Variants in MGST2 observed in about 807,000 individuals in gnomAD.
The protein encoded by MGST2 is glutathione peroxidase MGST2.
A neutral mutation model predicts 16.6 loss-of-function variants in MGST2; 9 were observed. That is an observed-to-expected ratio of 0.54 (90% CI 0.33 to 0.95). The LOEUF is 0.95. Among genes scored for constraint, MGST2 ranks in the 40% least tolerant of loss-of-function variants. The probability of loss-of-function intolerance (pLI) is 0.03; values close to 1 mark genes in which losing one functional copy is unlikely to be tolerated. For synonymous variants in MGST2, 79 were observed against 68.0 expected (o/e 1.16, Z -0.79); for missense variants, 159 against 175.1 (o/e 0.91, Z 0.52).
At chr4:139,672,131 G>A (rs577838802) in intron 1 of MGST2, among the ~76,000 whole-genome samples, 2 of 152,120 alleles carry the variant, frequency 1.3e-5, no homozygotes, top group Non-Finnish European at 2.9e-5. Flanking sequence ...CCTCACACTT[G>A]CTAGTGTCAC....
chr4:139,667,644 G>T (rs551692188), intron 1 of MGST2, among the ~76,000 whole-genome samples: 1 of 152,116 alleles, frequency 6.6e-6, no homozygotes, highest in Non-Finnish European at 1.5e-5. Context: ...TGGATCACGA[G>T]GTCAAGAGAT....
chr4:139,730,560 G>A (rs1298209644), intron 5 of MGST2: 1 of 1,592,196 alleles, frequency 6.3e-7, no homozygotes, highest in Non-Finnish European at 8.5e-7. Context: ...GGCTGCCCAG[G>A]AAGCCGGGGC....
chr4:139,729,926 C>A (rs750008667), intron 5 of MGST2, among the ~76,000 whole-genome samples: 34 of 152,194 alleles, frequency 2.2e-4, no homozygotes, highest in Non-Finnish European at 3.7e-4. Context: ...GTTCTGCAGG[C>A]CTTATTATTC....
intron 3 of MGST2, 65 bp downstream of exon 3, chr4:139,695,332 A>T: frequency 2.9e-6 from 4 of 1,358,678 alleles, no homozygotes; most frequent in African/African-American, 1.4e-5. Flanking sequence ...ATTAAGGAGT[A>T]GATATATGGC....
intron 2 of MGST2, among the ~76,000 whole-genome samples, chr4:139,689,682 A>G (rs542355910): frequency 6.6e-6 from 1 of 152,324 alleles, no homozygotes; most frequent in South Asian, 2.1e-4. Flanking sequence ...GCAAGAAGCA[A>G]ACTTCCTTTG....
chr4:139,733,504 CT>C (rs1042103917), intron 5 of MGST2, among the ~76,000 whole-genome samples: 1 of 149,202 alleles, frequency 6.7e-6, no homozygotes, highest in Non-Finnish European at 1.5e-5. Context: ...CATCAAACCA[CT>C]TTTTGCCCGT....
Position 139,691,703 on chromosome 4 carries a change from T to G in MGST2, c.159-3494T>G, listed in dbSNP as rs546352028. Among the ~76,000 whole-genome samples, 1,490 of 150,290 alleles carry G rather than the reference T, an allele frequency of 9.9e-3. 12 individuals carry two copies. Among genetic ancestry groups the G allele is most frequent in the African/African-American group, 0.016 (643 of 40,510 alleles). Reference sequence around the variant, plus strand: ...TGATGATGATGATGATGATGATTATTATTATTATTATTTGAGACGGAATCT... The same window carrying G: ...TGATGATGATGATGATGATGATTATGATTATTATTATTTGAGACGGAATCT... On this transcript the variant is annotated intron_variant, in intron 2 of 4. Transcript: ENST00000265498.
chr4:139,718,191 C>T (rs1001679848), intron 5 of MGST2: 1 of 152,152 alleles, frequency 6.6e-6, no homozygotes, highest in African/African-American at 2.4e-5. Flanking sequence ...CACAAAAAAC[C>T]GACTCCCAAA....
In MGST2 at chr4:139,715,992, C is replaced by T. The variant is rs1037988879; in HGVS notation, c.*48+11796C>T. ...ACACGCCTCTGACAAAACTCCTGGGCTCAAGTGATCCGCTTGCCTTGCCCT... is the reference window on the plus strand; with the variant it reads ...ACACGCCTCTGACAAAACTCCTGGGTTCAAGTGATCCGCTTGCCTTGCCCT... On this transcript the variant is annotated intron_variant, in intron 5 of 5. Transcript: ENST00000616265. The surrounding 1 kb of genome is among the most constrained non-coding windows in gnomAD (Gnocchi z 4.4). Among the ~76,000 whole-genome samples the T allele has an allele frequency of 6.6e-6, 1 of 152,154 alleles. No individual in the cohort carries two copies. The highest frequency in any genetic ancestry group is 6.5e-5 in the Admixed American group (1 of 15,284).
chr4:139,740,308 T>C (rs1401306933), exon 6 of MGST2: 3 of 152,218 alleles, frequency 2.0e-5, no homozygotes, highest in African/African-American at 7.2e-5. Flanking sequence ...ACAGACTGTC[T>C]TCTCCGTGGA....
intron 3 of MGST2, among the ~76,000 whole-genome samples, chr4:139,701,061 C>T (rs949870222): frequency 3.3e-5 from 5 of 152,242 alleles, no homozygotes; most frequent in African/African-American, 9.6e-5. Flanking sequence ...TGAATGAAAC[C>T]GCTGTTCCTT....
chr4:139,710,045 A>T (rs928959944), intron 5 of MGST2, among the ~76,000 whole-genome samples: 2 of 152,252 alleles, frequency 1.3e-5, no homozygotes, highest in South Asian at 4.1e-4. Context: ...TGGTTACCCA[A>T]AGAGGTAGCT....
intron 5 of MGST2, chr4:139,719,215 G>T: frequency 3.7e-6 from 5 of 1,351,074 alleles, no homozygotes; most frequent in Non-Finnish European, 4.9e-6. Flanking sequence ...GTTTTGCTCA[G>T]TTTACGTGGG....
At chr4:139,724,217 C>A (rs562842501) in intron 5 of MGST2, among the ~76,000 whole-genome samples, 23 of 152,224 alleles carry the variant, frequency 1.5e-4, no homozygotes, top group African/African-American at 5.3e-4. Context: ...CTACTCAAGA[C>A]CCAGTATTTT....
chr4:139,680,216 C>A (rs1312992823), intron 2 of MGST2, among the ~76,000 whole-genome samples: 1 of 145,890 alleles, frequency 6.9e-6, no homozygotes, highest in Non-Finnish European at 1.5e-5. Flanking sequence ...TAGGTTAAAT[C>A]AATAGCCAAT....
downstream of MGST2, among the ~76,000 whole-genome samples, chr4:139,707,907 G>GT (rs537925639): frequency 4.6e-5 from 7 of 151,246 alleles, no homozygotes; most frequent in Non-Finnish European, 8.9e-5. Flanking sequence ...GGGGTTGTTT[G>GT]TTTTTTTCTT....
At position 139,719,427 on chromosome 4, in the gene MGST2, A is replaced by G. The variant is rs967326510; in HGVS notation, c.*48+15231A>G. On this transcript the variant is annotated intron_variant, in intron 5 of 5. Transcript: ENST00000616265. ...TCTGCACCGTCCGGGAGGCCAGGGA[A>G]GGAACCCCCAGCTCCGTCGCCACTG... The G allele has an allele frequency of 3.1e-6, 5 of 1,614,012 alleles. No homozygotes were observed. The South Asian group carries it at 5.5e-5, about 18-fold the overall frequency.
At chr4:139,671,451 C>T (rs1435078563) in intron 1 of MGST2, among the ~76,000 whole-genome samples, 1 of 152,134 alleles carries the variant, frequency 6.6e-6, no homozygotes, top group African/African-American at 2.4e-5. Context: ...ACCCCACTGT[C>T]ATCATATATT....
intron 2 of MGST2, among the ~76,000 whole-genome samples, chr4:139,693,855 C>T (rs182030449): frequency 7.2e-5 from 11 of 152,290 alleles, no homozygotes; most frequent in Admixed American, 7.2e-4. Flanking sequence ...TTATCCATTT[C>T]CAATTTTTTA....
Sources: gnomAD v4.1 joint callset for allele counts (sites outside exome capture counted in the v4.1 genomes callset) on GRCh38, gnomAD v4.1.1 for gene constraint, Gnocchi (gnomAD v3.1) non-coding constraint, MANE v1.5 for transcripts, NCBI Gene and HGNC (gene_info 2026-07-23, HGNC 2026-07-21) for gene names.